The following SMIM36 variants were observed in gnomAD, a reference collection of about 807,000 sequenced individuals.
The protein encoded by SMIM36 is small integral membrane protein 36.
chr17:55,524,299 A>T, the SMIM36 span, among the ~76,000 whole-genome samples: 1 of 152,194 alleles, frequency 6.6e-6, no homozygotes, highest in African/African-American at 2.4e-5. Context: ...TATATGCACC[A>T]CATTTTCTTT....
the SMIM36 span, among the ~76,000 whole-genome samples, chr17:55,531,874 G>A: frequency 5.5e-4 from 84 of 152,298 alleles, no homozygotes; most frequent in African/African-American, 1.7e-3. Flanking sequence ...AAGATAAAGT[G>A]AAAGATAAGG....
At chr17:55,468,373 T>C (rs937017564) in intron 3 of SMIM36, 10 of 152,746 alleles carry the variant, frequency 6.5e-5, no homozygotes, top group Admixed American at 2.0e-4. Context: ...AATCTCACTG[T>C]CCTTCCAATT....
chr17:55,516,715 C>T, the SMIM36 span, among the ~76,000 whole-genome samples: 51 of 152,046 alleles, frequency 3.4e-4, no homozygotes, highest in Middle Eastern at 3.4e-3. Flanking sequence ...CCTGCCACCA[C>T]GCCCGGCTAA....
chr17:55,501,227 A>AGTATTATATTTTATATT (rs1384681065), intron 1 of SMIM36, among the ~76,000 whole-genome samples: 1 of 11,302 alleles, frequency 8.8e-5, no homozygotes, highest in Non-Finnish European at 1.1e-4. Flanking sequence ...TATATTATAT[A>AGTATTATATTTTATATT]TTATAATATA....
At chr17:55,510,035 G>A (rs1258713741) in intron 1 of SMIM36, among the ~76,000 whole-genome samples, 1 of 152,094 alleles carries the variant, frequency 6.6e-6, no homozygotes, top group Non-Finnish European at 1.5e-5. Flanking sequence ...AGCTAACCCT[G>A]TGTGTCAAGA....
At chr17:55,532,012 C>A in the SMIM36 span, among the ~76,000 whole-genome samples, 2 of 152,192 alleles carry the variant, frequency 1.3e-5, no homozygotes, top group African/African-American at 4.8e-5. Flanking sequence ...TGGTCTGAGC[C>A]TGAATTTTAA....
At chr17:55,512,424 A>G (rs1910197141), upstream of SMIM36, among the ~76,000 whole-genome samples, 1 of 152,230 alleles carries the variant, frequency 6.6e-6, no homozygotes, top group African/African-American at 2.4e-5. Context: ...ATGCTTTTGC[A>G]CAGGGGAGTG....
chr17:55,468,747 C>T (rs965778598), intron 3 of SMIM36, among the ~76,000 whole-genome samples: 1 of 152,180 alleles, frequency 6.6e-6, no homozygotes, highest in African/African-American at 2.4e-5. Flanking sequence ...TCCATTCCCC[C>T]TTCTTCTCCC....
the SMIM36 span, among the ~76,000 whole-genome samples, chr17:55,522,325 C>T: frequency 2.6e-5 from 4 of 152,176 alleles, no homozygotes; most frequent in East Asian, 7.7e-4. Flanking sequence ...CTTTCCATGA[C>T]CATTCCTTAT....
chr17:55,461,580 C>A (rs72838988), intron 4 of SMIM36, among the ~76,000 whole-genome samples: 7,999 of 151,946 alleles, frequency 0.053, 256 homozygotes, highest in East Asian at 0.14. Flanking sequence ...TCAGCCTGGA[C>A]AACAGAGTGA....
intron 1 of SMIM36, among the ~76,000 whole-genome samples, chr17:55,486,197 G>A (rs1909606073): frequency 6.6e-6 from 1 of 151,858 alleles, no homozygotes; most frequent in Non-Finnish European, 1.5e-5. Flanking sequence ...ACCATACACA[G>A]CTAATTTTTT....
At chr17:55,516,178 A>G (rs557798448), upstream of SMIM36, among the ~76,000 whole-genome samples, 4 of 152,364 alleles carry the variant, frequency 2.6e-5, no homozygotes, top group South Asian at 8.3e-4. Flanking sequence ...AAATATAAAA[A>G]CCTACAAAAC....
chr17:55,531,309 T>C, the SMIM36 span, among the ~76,000 whole-genome samples: 1 of 152,194 alleles, frequency 6.6e-6, no homozygotes, highest in East Asian at 1.9e-4. Context: ...TGAACCCTCA[T>C]GGATTCTTCA....
intron 4 of SMIM36, among the ~76,000 whole-genome samples, chr17:55,450,681 G>GA (rs1567860619): frequency 1.3e-5 from 2 of 152,304 alleles, no homozygotes; most frequent in Non-Finnish European, 2.9e-5. Context: ...TTACAGCCTA[G>GA]AGAGAGGGAA....
At chr17:55,501,404 T>TAGAATATAATATATAACATAA (rs1909969159) in intron 1 of SMIM36, among the ~76,000 whole-genome samples, 1 of 19,430 alleles carries the variant, frequency 5.1e-5, no homozygotes, top group African/African-American at 1.7e-4. Flanking sequence ...TTATATATTA[T>TAGAATATAATATATAACATAA]TATATATTAT....
the SMIM36 span, among the ~76,000 whole-genome samples, chr17:55,525,998 A>G: frequency 6.6e-6 from 1 of 152,022 alleles, no homozygotes; most frequent in Admixed American, 6.6e-5. Flanking sequence ...GAAAACAAAC[A>G]AAAAACTGGA....
the SMIM36 span, among the ~76,000 whole-genome samples, chr17:55,516,710 C>T: frequency 3.9e-5 from 6 of 151,998 alleles, no homozygotes; most frequent in African/African-American, 1.4e-4. Flanking sequence ...AGGCACCTGC[C>T]ACCACGCCCG....
At chr17:55,474,638 C>T (rs1214802454) in intron 3 of SMIM36, among the ~76,000 whole-genome samples, 1 of 152,104 alleles carries the variant, frequency 6.6e-6, no homozygotes, top group Non-Finnish European at 1.5e-5. Context: ...TTGCTTTTGA[C>T]CTGGCTTGGA....
At chr17:55,516,554 CTTTTTTTTTTTTT>C in the SMIM36 span, among the ~76,000 whole-genome samples, 1 of 98,558 alleles carries the variant, frequency 1.0e-5, no homozygotes, top group African/African-American at 4.6e-5. Context: ...AACAGTCTTC[CTTTTTTTTTTTTT>C]TTTTTTTTTT....
Sources: allele counts gnomAD v4.1 joint callset (sites outside exome capture counted in the v4.1 genomes callset), GRCh38; gene constraint gnomAD v4.1.1; transcripts MANE v1.5; gene names NCBI Gene and HGNC (gene_info 2026-07-23, HGNC 2026-07-21).